HNF1B: variants seen among roughly 807,000 people sequenced by gnomAD.
The protein encoded by HNF1B is HNF1 homeobox B.
A neutral mutation model predicts 61.7 loss-of-function variants in HNF1B; 8 were observed. That is an observed-to-expected ratio of 0.13 (90% CI 0.08 to 0.23). The LOEUF (loss-of-function observed/expected upper bound fraction) is 0.23. Ranked by LOEUF, HNF1B falls within the 10% of genes least tolerant of loss-of-function variation. HNF1B has a pLI of 1.00. For synonymous variants in HNF1B, 314 were observed against 287.7 expected (o/e 1.09, Z -0.93); for missense variants, 562 against 714.5 (o/e 0.79, Z 2.43).
chr17:37,688,421 A>ACT (rs1555818412), intron 8 of HNF1B, among the ~76,000 whole-genome samples: 2 of 150,018 alleles, frequency 1.3e-5, no homozygotes, highest in Non-Finnish European at 3.0e-5. Context: ...ACACACACAC[A>ACT]CTTACACCTA....
intron 4 of HNF1B, chr17:37,729,210 T>G (rs1400215687): frequency 6.6e-6 from 1 of 151,868 alleles, no homozygotes; most frequent in Non-Finnish European, 1.5e-5. Context: ...ATAACTACAC[T>G]CAGAGAAAGA....
At chr17:37,714,409 C>G (rs1248788656) in intron 4 of HNF1B, among the ~76,000 whole-genome samples, 2 of 152,204 alleles carry the variant, frequency 1.3e-5, no homozygotes, top group East Asian at 1.9e-4. Flanking sequence ...ATGACAAGGG[C>G]TCTGGTTTAA....
Position 37,710,538 on chromosome 17 carries a change from G to A in HNF1B, c.1171C>T (p.Pro391Ser), listed in dbSNP as rs2147473412. ...TCAGGTGAGAGGAGATTGTGGCCTG[G>A]GTCCAGGCTGGCTGGGGAGACTTGC... Reference protein sequence around the residue: ...LQQVSPASLDPGHNLLSPDGK... With the variant: ...LQQVSPASLDSGHNLLSPDGK... Residue 391 changes from proline (P) to serine (S), a missense_variant, in exon 5 of 9, where the codon CCA becomes TCA. Around this residue, in one of 6 missense-constraint regions of HNF1B, gnomAD observed 211 missense variants for 200.7 expected, o/e 1.05. Coordinates refer to ENST00000617811, the MANE Select transcript of HNF1B (RefSeq NM_000458.4). 1 of 1,614,188 alleles carries A rather than the reference G, an allele frequency of 6.2e-7. No individual in the cohort carries two copies. The highest frequency in any genetic ancestry group is 8.5e-7 in the Non-Finnish European group (1 of 1,180,034).
At chr17:37,724,986 TC>T (rs759977472) in intron 4 of HNF1B, among the ~76,000 whole-genome samples, 27 of 152,014 alleles carry the variant, frequency 1.8e-4, no homozygotes, top group Non-Finnish European at 3.4e-4. Context: ...TCTCTCCTCT[TC>T]ATTTGTGTTT....
rs1191678041 is a variant in HNF1B, at chr17:37,686,531, A to T, written c.*841T>A. On this transcript the variant is annotated 3_prime_UTR_variant, in exon 9 of 9. Coordinates refer to ENST00000617811, the MANE Select transcript of HNF1B (RefSeq NM_000458.4). ...TTCCCTGCCCTGGGGTTTCTTAGGG[A>T]GTGCACGGCTGAGCTCCTGGCCCAC... 1 of 152,192 alleles carries T rather than the reference A, an allele frequency of 6.6e-6. No homozygotes were observed. The highest frequency in any genetic ancestry group is 1.5e-5 in the Non-Finnish European group (1 of 68,090). 9.4% of individuals were successfully genotyped at this position (152,192 alleles called of 1,614,324 possible). A position where few individuals can be genotyped will look rare whatever the true frequency, so the allele number is the denominator to read the frequency against.
At chr17:37,704,169 C>T (rs542708561) in intron 6 of HNF1B, among the ~76,000 whole-genome samples, 28 of 152,320 alleles carry the variant, frequency 1.8e-4, no homozygotes, top group Admixed American at 3.9e-4. Flanking sequence ...AAAGAGATAT[C>T]CACAACCACA....
At chr17:37,730,117 G>A (rs562769335) in intron 4 of HNF1B, 13 of 140,416 alleles carry the variant, frequency 9.3e-5, no homozygotes, top group Admixed American at 8.4e-4. Flanking sequence ...CCTGACTTTG[G>A]TGTGGAGATC....
chr17:37,699,095 T>C lies in HNF1B; in HGVS notation c.1634A>G (p.Asn545Ser), dbSNP rs2147441556. Residue 545 changes from asparagine to serine, a missense_variant, in exon 8 of 9, where the codon AAC becomes AGC. Around this residue, in one of 6 missense-constraint regions of HNF1B, gnomAD observed 64 missense variants for 96.9 expected, o/e 0.66. Transcript: ENST00000617811. ...CATTACCTGTTTACTTGAAGACATG[T>C]TGGTGAGTGTACTGATGCTGCTGGT... ...TDTSSISTLTNMSSSKQCPLQ... is the reference protein window; with the variant it reads ...TDTSSISTLTSMSSSKQCPLQ... 1 of 1,613,328 alleles carries C rather than the reference T, an allele frequency of 6.2e-7. No homozygotes were observed. Among genetic ancestry groups the C allele is most frequent in the Non-Finnish European group, 8.5e-7 (1 of 1,179,312 alleles).
intron 8 of HNF1B, among the ~76,000 whole-genome samples, chr17:37,689,476 T>C (rs2032116005): frequency 6.6e-6 from 1 of 152,246 alleles, no homozygotes; most frequent in Non-Finnish European, 1.5e-5. Context: ...AGCTATCAAA[T>C]GTTTGCTCAC....
At chr17:37,727,965 G>A (rs1159593164) in intron 4 of HNF1B, among the ~76,000 whole-genome samples, 1 of 151,986 alleles carries the variant, frequency 6.6e-6, no homozygotes, top group East Asian at 1.9e-4. Flanking sequence ...GTGGATTTTG[G>A]GCTCTCCTCA....
rs147966524 is a variant in HNF1B at position 37,699,523 on chromosome 17, G to A, written c.1535-329C>T. 1.1e-4 allele frequency among the ~76,000 whole-genome samples: 16 copies of A among 152,326 alleles called. No individual in the cohort carries two copies. In the East Asian group the frequency reaches 3.1e-3, roughly 29 times the overall value. On this transcript the variant is annotated intron_variant, in intron 7 of 8. Transcript: ENST00000617811. ...TTGCCCTTCTCATGCAGGGAGGCAG[G>A]TTATTTCCTGGTCCAGGGCACCATG...
chr17:37,709,941 C>T (rs1486157894), intron 5 of HNF1B, among the ~76,000 whole-genome samples: 3 of 152,174 alleles, frequency 2.0e-5, no homozygotes, highest in Admixed American at 6.5e-5. Context: ...CCCTAAGCAT[C>T]GCCCCACCCC....
Position 37,710,592 on chromosome 17 carries a change from C to T in HNF1B, c.1117G>A (p.Ala373Thr), listed in dbSNP as rs759270956. 7.4e-6 allele frequency: 12 copies of T among 1,612,624 alleles called. No individual in the cohort carries two copies. The highest frequency in any genetic ancestry group is 5.5e-5 in the South Asian group (5 of 91,020). ...AAAACCGACTGGCTGGTCACCATGG[C>T]GCTGTTGCCATGGTGACTGATTGTT... Reference protein sequence around the residue: ...SSTISHHGNSAMVTSQSVLQQ... With the variant: ...SSTISHHGNSTMVTSQSVLQQ... Residue 373 changes from alanine to threonine, a missense_variant, in exon 5 of 9, where the codon GCC (alanine) becomes ACC (threonine). Physicochemically the swap from Ala to Thr is moderately conservative, Grantham distance 58. This residue lies in a region of HNF1B where 211 missense variants were observed against 200.7 expected (regional missense o/e 1.05). Coordinates refer to ENST00000617811, the MANE Select transcript of HNF1B (RefSeq NM_000458.4).
Position 37,687,106 on chromosome 17 carries a change from T to G in HNF1B, c.*266A>C. The G allele has an allele frequency of 1.6e-6, 1 of 622,070 alleles. No individual in the cohort carries two copies. Among genetic ancestry groups the G allele is most frequent in the Middle Eastern group, 4.3e-4 (1 of 2,316 alleles). 38.5% of individuals were successfully genotyped at this position (622,070 alleles called of 1,614,324 possible). A position where few individuals can be genotyped will look rare whatever the true frequency, so the allele number is the denominator to read the frequency against. On this transcript the variant is annotated 3_prime_UTR_variant, in exon 9 of 9. Transcript: ENST00000617811. ...TCTTGCTTCCTCTTCGGAGGTTCCTTGTCTCCCACCTCCAGGACAGACAGG... is the reference window on the plus strand; with the variant it reads ...TCTTGCTTCCTCTTCGGAGGTTCCTGGTCTCCCACCTCCAGGACAGACAGG...
At chr17:37,715,927 T>C (rs576206556) in intron 4 of HNF1B, among the ~76,000 whole-genome samples, 1 of 152,052 alleles carries the variant, frequency 6.6e-6, no homozygotes, top group South Asian at 2.1e-4. Flanking sequence ...AGGTCAGGAG[T>C]TCGAGACTAG....
chr17:37,723,867 T>A (rs1034042986), intron 4 of HNF1B, among the ~76,000 whole-genome samples: 1 of 152,198 alleles, frequency 6.6e-6, no homozygotes, highest in Non-Finnish European at 1.5e-5. Flanking sequence ...TCTTCCAGCA[T>A]CTGCATGAGT....
At chr17:37,694,989 C>G (rs1456689766) in intron 8 of HNF1B, among the ~76,000 whole-genome samples, 1 of 152,236 alleles carries the variant, frequency 6.6e-6, no homozygotes, top group Non-Finnish European at 1.5e-5. Context: ...TATGGAGCAA[C>G]AGCTTGCTAG....
At chr17:37,690,003 GCACA>G (rs5820231) in intron 8 of HNF1B, among the ~76,000 whole-genome samples, 40,359 of 148,592 alleles carry the variant, frequency 0.27, 5,968 homozygotes, top group East Asian at 0.42. Flanking sequence ...ACAAATGCGT[GCACA>G]CACACACACA....
chr17:37,706,283 T>C (rs1041396771), intron 5 of HNF1B, among the ~76,000 whole-genome samples: 2 of 152,180 alleles, frequency 1.3e-5, no homozygotes, highest in South Asian at 2.1e-4. Flanking sequence ...AAAGTTATTA[T>C]GAAGAAAGGA....
Sources: allele counts gnomAD v4.1 joint callset (sites outside exome capture counted in the v4.1 genomes callset), GRCh38; gene constraint gnomAD v4.1.1; regional missense constraint gnomAD v4.1.1; transcripts MANE v1.5; gene names NCBI Gene and HGNC (gene_info 2026-07-23, HGNC 2026-07-21).